The following CTNND2 variants were observed in gnomAD, a reference collection of about 807,000 sequenced individuals.
CTNND2 encodes catenin delta-2.
A neutral mutation model predicts 144.4 loss-of-function variants in CTNND2; 22 were observed. That is an observed-to-expected ratio of 0.15 (90% CI 0.11 to 0.22). The LOEUF (loss-of-function observed/expected upper bound fraction) is 0.22. Ranked by LOEUF, CTNND2 falls within the 10% of genes least tolerant of loss-of-function variation. The pLI is 1.00. For missense variants in CTNND2, 1,353 were observed against 1,618.8 expected, an observed-to-expected ratio of 0.84 and a Z score of 2.82; for synonymous variants, 751 against 695.6, an observed-to-expected ratio of 1.08 and a Z score of -1.25.
At chr5:11,147,456 G>A (rs1054599369) in intron 12 of CTNND2, among the ~76,000 whole-genome samples, 2 of 152,176 alleles carry the variant, frequency 1.3e-5, no homozygotes, top group Non-Finnish European at 2.9e-5. Flanking sequence ...GGCTAGTATT[G>A]CAAACATGGT....
chr5:11,600,209 G>T (rs1779712888), intron 2 of CTNND2, among the ~76,000 whole-genome samples: 1 of 152,150 alleles, frequency 6.6e-6, no homozygotes, highest in South Asian at 2.1e-4. Context: ...TACAGCAAGT[G>T]TGTGGACACA....
At chr5:11,171,301 G>C (rs773300034) in intron 11 of CTNND2, among the ~76,000 whole-genome samples, 2 of 152,200 alleles carry the variant, frequency 1.3e-5, no homozygotes, top group African/African-American at 2.4e-5. Flanking sequence ...ATGAGAGAGA[G>C]AGCTGGGGTA....
chr5:11,662,955 GAGA>G (rs1320892013), intron 2 of CTNND2, among the ~76,000 whole-genome samples: 2 of 152,206 alleles, frequency 1.3e-5, no homozygotes, highest in Non-Finnish European at 2.9e-5. Flanking sequence ...GTACTCACTT[GAGA>G]AGGAGCACAT....
Position 11,169,429 on chromosome 5 carries a change from T to C in CTNND2, c.1976-9670A>G, listed in dbSNP as rs183810021. On this transcript the variant is annotated intron_variant, in intron 11 of 21. Transcript: ENST00000304623. The stretch of plus-strand genomic sequence containing the variant: ...GGCTAATGTCATCTTTGGTAAAAAA[T>C]AGAGTCTGGCAAATTCTTGAATATT... Among the ~76,000 whole-genome samples, 249 of 152,278 alleles carry C rather than the reference T, an allele frequency of 1.6e-3. 1 individual carries two copies. The highest frequency in any genetic ancestry group is 6.6e-3 in the East Asian group (34 of 5,178).
chr5:11,660,940 T>C (rs995956926), intron 2 of CTNND2, among the ~76,000 whole-genome samples: 2 of 152,060 alleles, frequency 1.3e-5, no homozygotes, highest in African/African-American at 4.8e-5. Flanking sequence ...AAGAAGAATG[T>C]GAGAGTTGAA....
chr5:11,181,046 G>A (rs1760947250), intron 11 of CTNND2, among the ~76,000 whole-genome samples: 1 of 152,162 alleles, frequency 6.6e-6, no homozygotes, highest in African/African-American at 2.4e-5. Context: ...GCTGGGCAGA[G>A]GCTGACTGGT....
chr5:11,229,330 TA>T (rs1386031952), intron 10 of CTNND2, among the ~76,000 whole-genome samples: 1 of 152,218 alleles, frequency 6.6e-6, no homozygotes, highest in Non-Finnish European at 1.5e-5. Context: ...CTTAAAGTTT[TA>T]AAAAGTTAAT....
intron 1 of CTNND2, among the ~76,000 whole-genome samples, chr5:11,865,131 G>C (rs933189331): frequency 1.3e-5 from 2 of 152,066 alleles, no homozygotes; most frequent in Admixed American, 6.5e-5. Context: ...CCGACCTCAG[G>C]TGATCCGCGT....
chr5:11,746,995 A>C (rs1219788284), intron 1 of CTNND2, among the ~76,000 whole-genome samples: 1 of 152,204 alleles, frequency 6.6e-6, no homozygotes, highest in Non-Finnish European at 1.5e-5. Context: ...ACATGATATT[A>C]AAGTAGTCAA....
At chr5:11,723,929 A>G (rs892088693) in intron 2 of CTNND2, among the ~76,000 whole-genome samples, 4 of 151,828 alleles carry the variant, frequency 2.6e-5, no homozygotes, top group Non-Finnish European at 5.9e-5. Flanking sequence ...AGTGGCGGGC[A>G]CCTGTAGTCC....
chr5:11,810,334 G>A (rs1356099542), intron 1 of CTNND2, among the ~76,000 whole-genome samples: 1 of 152,118 alleles, frequency 6.6e-6, no homozygotes, highest in Non-Finnish European at 1.5e-5. Flanking sequence ...AGGGCTTCAT[G>A]AAGGATAATT....
intron 3 of CTNND2, among the ~76,000 whole-genome samples, chr5:11,417,192 G>C (rs1300914333): frequency 6.6e-6 from 1 of 152,180 alleles, no homozygotes; most frequent in Admixed American, 6.5e-5. Flanking sequence ...AAGGTAAAAA[G>C]ATGCCACGGA....
chr5:11,118,371 A>T (rs1455543020), intron 12 of CTNND2, among the ~76,000 whole-genome samples: 1 of 152,232 alleles, frequency 6.6e-6, no homozygotes, highest in Admixed American at 6.5e-5. Context: ...AACCTGTAAA[A>T]GGGAGGCTGC....
chr5:11,593,007 T>C (rs964092647), intron 2 of CTNND2, among the ~76,000 whole-genome samples: 1 of 151,878 alleles, frequency 6.6e-6, no homozygotes, highest in African/African-American at 2.4e-5. Flanking sequence ...GAGGGAAAGA[T>C]AGTGCCTTCA....
intron 1 of CTNND2, among the ~76,000 whole-genome samples, chr5:11,738,593 C>A (rs957397635): frequency 1.3e-5 from 2 of 152,220 alleles, no homozygotes; most frequent in African/African-American, 2.4e-5. Flanking sequence ...CACACAAACA[C>A]ACACGTAAAT....
At chr5:11,101,714 C>CT (rs1441771261) in intron 14 of CTNND2, among the ~76,000 whole-genome samples, 2 of 152,118 alleles carry the variant, frequency 1.3e-5, no homozygotes, top group African/African-American at 4.8e-5. Context: ...ACCAAAAACT[C>CT]TTTAAGAGCT....
intron 2 of CTNND2, among the ~76,000 whole-genome samples, chr5:11,703,025 G>A (rs1785525221): frequency 6.6e-6 from 1 of 152,136 alleles, no homozygotes; most frequent in East Asian, 1.9e-4. Context: ...AAAATTCTAG[G>A]ATGACGCATT....
At chr5:11,156,477 G>T (rs1758231296) in intron 12 of CTNND2, among the ~76,000 whole-genome samples, 1 of 152,066 alleles carries the variant, frequency 6.6e-6, no homozygotes, top group South Asian at 2.1e-4. Flanking sequence ...ACTAGTTTAG[G>T]AAATAGTATT....
chr5:11,792,208 C>G (rs1052629367), intron 1 of CTNND2, among the ~76,000 whole-genome samples: 1 of 151,996 alleles, frequency 6.6e-6, no homozygotes, highest in South Asian at 2.1e-4. Flanking sequence ...TTAGGAAGAA[C>G]TGATAATAAT....
Sources: allele counts gnomAD v4.1 joint callset (sites outside exome capture counted in the v4.1 genomes callset), GRCh38; gene constraint gnomAD v4.1.1; transcripts MANE v1.5; gene names NCBI Gene and HGNC (gene_info 2026-07-23, HGNC 2026-07-21).